B4GALT1: variants seen among roughly 807,000 people sequenced by gnomAD.
B4GALT1 encodes N-acetyllactosamine synthase.
Under a neutral mutation model 34.9 loss-of-function variants are expected in B4GALT1, and 16 were observed. The ratio of observed to expected loss-of-function variants is 0.46; its 90% confidence interval spans 0.31 to 0.70. The LOEUF (loss-of-function observed/expected upper bound fraction) is 0.70, where lower values mean the gene tolerates loss of function less well. Among genes scored for constraint, B4GALT1 ranks in the 30% least tolerant of loss-of-function variants. B4GALT1 has a pLI of 0.05. For synonymous variants in B4GALT1, 221 were observed against 218.1 expected, an observed-to-expected ratio of 1.01 and a Z score of -0.12; for missense variants, 445 against 530.5, an observed-to-expected ratio of 0.84 and a Z score of 1.58.
At chr9:33,152,444 T>C (rs1353610165) in intron 1 of B4GALT1, among the ~76,000 whole-genome samples, 1 of 146,896 alleles carries the variant, frequency 6.8e-6, no homozygotes, top group Admixed American at 6.8e-5. Flanking sequence ...AAATGATATG[T>C]AATAAACAAG....
intron 2 of B4GALT1, among the ~76,000 whole-genome samples, chr9:33,124,598 C>T (rs1247749649): frequency 1.3e-5 from 2 of 152,166 alleles, no homozygotes; most frequent in South Asian, 4.1e-4. Flanking sequence ...ACAGCACCAC[C>T]GCACTCCAAC....
chr9:33,118,095 G>A (rs1044620406), intron 3 of B4GALT1, among the ~76,000 whole-genome samples: 6 of 152,200 alleles, frequency 3.9e-5, no homozygotes, highest in Non-Finnish European at 8.8e-5. Context: ...AATCAAGAGG[G>A]GTCAGGGTAT....
intron 4 of B4GALT1, among the ~76,000 whole-genome samples, chr9:33,114,126 G>A (rs1431678835): frequency 6.6e-6 from 1 of 152,232 alleles, no homozygotes; most frequent in African/African-American, 2.4e-5. Context: ...CTGGGGCCGT[G>A]TGCCCCACAG....
In B4GALT1 at chr9:33,115,986, A is replaced by G. The variant is rs768626373; in HGVS notation, c.959+5T>C. On this transcript the variant is annotated splice_donor_5th_base_variant and intron_variant, in intron 4 of 5. Transcript: ENST00000379731. ...GGAGAAAGATATCTAAGTTATGACC[A>G]TTACCTGTTAAAAATGTCATCATCT... The G allele has an allele frequency of 6.2e-7, 1 of 1,609,770 alleles. No homozygotes were observed. The highest frequency in any genetic ancestry group is 1.1e-5 in the South Asian group (1 of 91,002).
chr9:33,163,487 G>A (rs1355919873), intron 1 of B4GALT1, among the ~76,000 whole-genome samples: 1 of 152,134 alleles, frequency 6.6e-6, no homozygotes, highest in Non-Finnish European at 1.5e-5. Context: ...CCCCCCTGAG[G>A]GGACTGTACC....
Position 33,129,838 on chromosome 9 carries a change from C to T in B4GALT1, c.648+5351G>A, listed in dbSNP as rs1424857033. 3.9e-5 allele frequency among the ~76,000 whole-genome samples: 6 copies of T among 151,972 alleles called. 1 individual carries two copies. Among genetic ancestry groups the T allele is most frequent in the Non-Finnish European group, 8.8e-5 (6 of 68,006 alleles). On this transcript the variant is annotated intron_variant, in intron 2 of 5. Transcript: ENST00000379731. ...ACAGGGGACAGCATAAGCAAAGGCA[C>T]ACAGAGGGGAGAACAGAGGTGTCTG...
chr9:33,113,036 A>G lies in B4GALT1; in HGVS notation c.*418T>C, dbSNP rs1383497840. The G allele has an allele frequency of 3.6e-6, 1 of 278,306 alleles. No homozygotes were observed. 17.2% of individuals were successfully genotyped at this position (278,306 alleles called of 1,614,324 possible). A position where few individuals can be genotyped will look rare whatever the true frequency, so the allele number is the denominator to read the frequency against. On this transcript the variant is annotated 3_prime_UTR_variant, in exon 6 of 6. Coordinates refer to ENST00000379731, the MANE Select transcript of B4GALT1 (RefSeq NM_001497.4). ...CTGTTAAATTACAACTACCAAAAAGATCACACCAATCCAATTTTAGCAGCA... is the reference window on the plus strand; with the variant it reads ...CTGTTAAATTACAACTACCAAAAAGGTCACACCAATCCAATTTTAGCAGCA...
chr9:33,110,146 T>C (rs7850948), downstream of B4GALT1, among the ~76,000 whole-genome samples: 6,173 of 152,334 alleles, frequency 0.041, 155 homozygotes, highest in Non-Finnish European at 0.061. Context: ...CCAACCAGCC[T>C]GACCCAGGGC....
chr9:33,132,519 G>A lies in B4GALT1; in HGVS notation c.648+2670C>T, dbSNP rs111371850. 1.0e-2 allele frequency among the ~76,000 whole-genome samples: 1,523 copies of A among 152,320 alleles called. 25 individuals carry two copies. Among genetic ancestry groups the A allele is most frequent in the African/African-American group, 0.035 (1,436 of 41,570 alleles). Reference sequence around the variant, plus strand: ...GCTCCATTTGGGGAAGCACACTTTTGGAGAAGCACTCTCTTAGGTGGTGCC... The same window carrying A: ...GCTCCATTTGGGGAAGCACACTTTTAGAGAAGCACTCTCTTAGGTGGTGCC... On this transcript the variant is annotated intron_variant, in intron 2 of 5. Transcript: ENST00000379731.
Position 33,120,213 on chromosome 9 carries a change from A to G in B4GALT1, c.836+206T>C, listed in dbSNP as rs34919692. On this transcript the variant is annotated intron_variant, in intron 3 of 5. Coordinates refer to ENST00000379731, the MANE Select transcript of B4GALT1 (RefSeq NM_001497.4). ...AACAAACAAAAAAAAAAAAGGGGGG[A>G]AAATTTGTTTTTGTCTGGATGTGCA... Among the ~76,000 whole-genome samples the G allele has an allele frequency of 0.12, 18,625 of 151,118 alleles. 1,192 individuals are homozygous for G. Among genetic ancestry groups the G allele is most frequent in the African/African-American group, 0.15 (6,138 of 41,212 alleles).
downstream of B4GALT1, among the ~76,000 whole-genome samples, chr9:33,106,802 C>T (rs1250493552): frequency 6.6e-6 from 1 of 152,184 alleles, no homozygotes; most frequent in South Asian, 2.1e-4. Flanking sequence ...AAGTCAACAG[C>T]AGGGCACTTC....
rs769719479 is a variant in B4GALT1 at position 33,167,074 on chromosome 9, C to T, written c.96G>A (p.Leu32=). 5.2e-5 allele frequency: 83 copies of T among 1,603,514 alleles called. No homozygotes were observed. Among genetic ancestry groups the T allele is most frequent in the Non-Finnish European group, 6.7e-5 (79 of 1,179,042 alleles). ...AGTAAACGAGGGTGACGCCAAGGTG[C>T]AGAGCGCAGACGGCCACGAGCAGGC... ...ACRLLVAVCA[L]HLGVTLVYYL... is the part of the protein sequence containing the mutation. Residue 32 remains leucine (L), a synonymous_variant, in exon 1 of 6, where the codon CTG becomes CTA. Transcript: ENST00000379731.
intron 2 of B4GALT1, among the ~76,000 whole-genome samples, chr9:33,121,326 A>C (rs1272241903): frequency 1.3e-5 from 2 of 152,220 alleles, no homozygotes; most frequent in Non-Finnish European, 2.9e-5. Flanking sequence ...GTCCCCAGGC[A>C]CCAAGTGTGC....
intron 2 of B4GALT1, among the ~76,000 whole-genome samples, chr9:33,125,759 G>A (rs1217616310): frequency 1.3e-5 from 2 of 152,134 alleles, no homozygotes. Context: ...TTGCAACAGG[G>A]GACAGATGAC....
intron 1 of B4GALT1, among the ~76,000 whole-genome samples, chr9:33,136,186 G>T (rs1840269978): frequency 6.6e-6 from 1 of 152,166 alleles, no homozygotes; most frequent in South Asian, 2.1e-4. Flanking sequence ...CAAAGAGGGA[G>T]GGATGACTCC....
upstream of B4GALT1, among the ~76,000 whole-genome samples, chr9:33,171,986 C>T (rs1048960101): frequency 3.9e-5 from 6 of 152,152 alleles, no homozygotes; most frequent in South Asian, 2.1e-4. Flanking sequence ...CTTAAAATCC[C>T]CCAAAAGTTC....
chr9:33,128,734 G>A (rs1214064126), intron 2 of B4GALT1, among the ~76,000 whole-genome samples: 1 of 152,214 alleles, frequency 6.6e-6, no homozygotes, highest in South Asian at 2.1e-4. Flanking sequence ...AGGCCGGGAT[G>A]GGGGGATGGT....
At chr9:33,126,010 T>A (rs141353174) in intron 2 of B4GALT1, among the ~76,000 whole-genome samples, 208 of 152,130 alleles carry the variant, frequency 1.4e-3, no homozygotes, top group African/African-American at 4.8e-3. Context: ...AGTCAGAACT[T>A]CTACGTGATA....
intron 2 of B4GALT1, among the ~76,000 whole-genome samples, chr9:33,123,277 CAA>C (rs72342632): frequency 0.25 from 20,703 of 83,092 alleles, 612 homozygotes; most frequent in East Asian, 0.47. Context: ...GACACTGTCT[CAA>C]AAAAAAAAAA....
Sources: gnomAD v4.1 joint callset for allele counts (sites outside exome capture counted in the v4.1 genomes callset) on GRCh38, gnomAD v4.1.1 for gene constraint, MANE v1.5 for transcripts, NCBI Gene and HGNC (gene_info 2026-07-23, HGNC 2026-07-21) for gene names.